DLEU7: variants seen among roughly 807,000 people sequenced by gnomAD.
DLEU7 encodes the protein deleted in lymphocytic leukemia 7.
Under a neutral mutation model 16.0 loss-of-function variants are expected in DLEU7, and 17 were observed. The observed-to-expected ratio is 1.06, with a 90% CI of 0.73 to 1.59. DLEU7 has a LOEUF of 1.59. Ranked by LOEUF, DLEU7 falls within the 40% of genes most tolerant of loss-of-function variation. The pLI is 0.00. For missense variants in DLEU7, 308 were observed against 314.9 expected, an observed-to-expected ratio of 0.98 and a Z score of 0.17; for synonymous variants, 113 against 139.8, an observed-to-expected ratio of 0.81 and a Z score of 1.35.
chr13:50,735,305 G>A (rs1342348), intron 1 of DLEU7, among the ~76,000 whole-genome samples: 27,186 of 152,026 alleles, frequency 0.18, 3,949 homozygotes, highest in African/African-American at 0.39. Flanking sequence ...TCTTACCCTA[G>A]TTGATATTTA....
chr13:50,756,606 C>T lies in DLEU7; in HGVS notation c.460-43366G>A, dbSNP rs539935278. Among the ~76,000 whole-genome samples the T allele has an allele frequency of 2.2e-3, 342 of 152,238 alleles. 3 individuals carry two copies. Among genetic ancestry groups the T allele is most frequent in the African/African-American group, 8.0e-3 (331 of 41,548 alleles). The stretch of plus-strand genomic sequence containing the variant: ...CTGAGGCTGTTTCCAGGCAGTGGGC[C>T]GAGCAGGGCTTGAGAACTTGCCCCA... On this transcript the variant is annotated intron_variant, in intron 1 of 1. Transcript: ENST00000400393.
At chr13:50,741,909 CAA>C (rs1437320160) in intron 1 of DLEU7, among the ~76,000 whole-genome samples, 1 of 152,130 alleles carries the variant, frequency 6.6e-6, no homozygotes, top group African/African-American at 2.4e-5. Flanking sequence ...TGCAAATTGT[CAA>C]ACTTAGTATG....
At chr13:50,842,025 C>A (rs949329564) in intron 1 of DLEU7, among the ~76,000 whole-genome samples, 14 of 150,620 alleles carry the variant, frequency 9.3e-5, no homozygotes, top group African/African-American at 3.4e-4. Context: ...TGGCATCTAA[C>A]AGGTAGAGGC....
intron 1 of DLEU7, among the ~76,000 whole-genome samples, chr13:50,837,490 G>A (rs1041511345): frequency 6.6e-6 from 1 of 152,144 alleles, no homozygotes; most frequent in African/African-American, 2.4e-5. Flanking sequence ...AGCAGTCACC[G>A]TATCCGTGGC....
chr13:50,810,419 C>T (rs1876531333), intron 1 of DLEU7, among the ~76,000 whole-genome samples: 1 of 152,030 alleles, frequency 6.6e-6, no homozygotes, highest in Non-Finnish European at 1.5e-5. Context: ...TATGTTTCTA[C>T]CATCTATTAT....
At chr13:50,722,243 T>G (rs1593527741) in intron 1 of DLEU7, among the ~76,000 whole-genome samples, 1 of 152,224 alleles carries the variant, frequency 6.6e-6, no homozygotes, top group African/African-American at 2.4e-5. Flanking sequence ...GTCCTGGTTT[T>G]AAGCCCAGAG....
At chr13:50,785,838 G>T (rs1593394998) in intron 1 of DLEU7, among the ~76,000 whole-genome samples, 1 of 152,206 alleles carries the variant, frequency 6.6e-6, no homozygotes. Flanking sequence ...CAGAGAGATA[G>T]AAATACAGGT....
chr13:50,828,897 G>C (rs1040974796), intron 1 of DLEU7, among the ~76,000 whole-genome samples: 3 of 152,092 alleles, frequency 2.0e-5, no homozygotes, highest in African/African-American at 7.2e-5. Flanking sequence ...CATACTTTTT[G>C]TTCTTTTCTC....
chr13:50,801,358 A>G (rs918030551), intron 1 of DLEU7, among the ~76,000 whole-genome samples: 6 of 152,114 alleles, frequency 3.9e-5, no homozygotes, highest in Admixed American at 3.9e-4. Context: ...CAGCTATTCC[A>G]GGTGACCATT....
chr13:50,737,695 A>G (rs1413895748), intron 1 of DLEU7, among the ~76,000 whole-genome samples: 1 of 152,082 alleles, frequency 6.6e-6, no homozygotes, highest in Non-Finnish European at 1.5e-5. Context: ...GCCATTCCCC[A>G]TCTCTCTCCC....
At chr13:50,781,480 G>A (rs1379625946) in intron 1 of DLEU7, among the ~76,000 whole-genome samples, 2 of 152,168 alleles carry the variant, frequency 1.3e-5, no homozygotes, top group Non-Finnish European at 2.9e-5. Flanking sequence ...CTTGAGCACC[G>A]CCAACATCCC....
intron 1 of DLEU7, among the ~76,000 whole-genome samples, chr13:50,748,064 G>A (rs145307831): frequency 1.2e-4 from 19 of 152,282 alleles, no homozygotes; most frequent in Non-Finnish European, 1.5e-4. Flanking sequence ...ACAAACATTT[G>A]TGTTTCATTA....
At chr13:50,749,909 C>T (rs1874515682) in intron 1 of DLEU7, among the ~76,000 whole-genome samples, 1 of 152,098 alleles carries the variant, frequency 6.6e-6, no homozygotes, top group African/African-American at 2.4e-5. Flanking sequence ...CTGACTGTTC[C>T]TTTTGCCATG....
chr13:50,748,438 T>C (rs1874465456), intron 1 of DLEU7, among the ~76,000 whole-genome samples: 1 of 152,050 alleles, frequency 6.6e-6, no homozygotes, highest in Non-Finnish European at 1.5e-5. Context: ...ATGAGTCTAA[T>C]GGTTTGACTC....
intron 1 of DLEU7, among the ~76,000 whole-genome samples, chr13:50,723,508 A>G (rs1207376797): frequency 6.6e-6 from 1 of 151,934 alleles, no homozygotes; most frequent in Admixed American, 6.6e-5. Flanking sequence ...AACAACAGAA[A>G]TTTGTTTTTC....
chr13:50,731,973 A>G (rs113135460), intron 1 of DLEU7, among the ~76,000 whole-genome samples: 155 of 152,338 alleles, frequency 1.0e-3, no homozygotes, highest in African/African-American at 3.3e-3. Flanking sequence ...CTGAAAAGAA[A>G]ATTATATACA....
In DLEU7 at chr13:50,823,323, T is replaced by C. The variant is rs765941442; in HGVS notation, c.657A>G (p.Pro219=). 16 of 1,535,634 alleles carry C rather than the reference T, an allele frequency of 1.0e-5. No homozygotes were observed. Among genetic ancestry groups the C allele is most frequent in the Non-Finnish European group, 1.3e-5 (15 of 1,146,514 alleles). ...ASLRQILQNL[P]DI Reference sequence around the variant, plus strand: ...CCGATGCCTTTAACACTCATATGTCTGGGAGATTCTGTAAGATCTGTCTCA... The same window carrying C: ...CCGATGCCTTTAACACTCATATGTCCGGGAGATTCTGTAAGATCTGTCTCA... Residue 219 remains proline, a synonymous_variant, in exon 2 of 2, where the codon CCA becomes CCG. Coordinates refer to ENST00000504404, the MANE Select transcript of DLEU7 (RefSeq NM_001306135.2).
chr13:50,744,909 G>C (rs1489812395), intron 1 of DLEU7, among the ~76,000 whole-genome samples: 1 of 152,132 alleles, frequency 6.6e-6, no homozygotes, highest in African/African-American at 2.4e-5. Context: ...TCCATAAATA[G>C]AGACCAAAAA....
chr13:50,715,492 G>C (rs1464293184), intron 1 of DLEU7: 1 of 152,770 alleles, frequency 6.5e-6, no homozygotes, highest in African/African-American at 2.4e-5. Context: ...AAGGGGGCGA[G>C]AGCTGGAGAA....
Sources: allele counts gnomAD v4.1 joint callset (sites outside exome capture counted in the v4.1 genomes callset), GRCh38; gene constraint gnomAD v4.1.1; transcripts MANE v1.5; gene names NCBI Gene and HGNC (gene_info 2026-07-23, HGNC 2026-07-21).